GSTM5: variants seen among roughly 807,000 people sequenced by gnomAD.
GSTM5 encodes glutathione S-transferase mu 5.
Under a neutral mutation model 29.0 loss-of-function variants are expected in GSTM5, and 24 were observed. That is an observed-to-expected ratio of 0.83 (90% confidence interval 0.60 to 1.16). The LOEUF (loss-of-function observed/expected upper bound fraction) is 1.16. Among genes scored for constraint, GSTM5 ranks in the 50% most tolerant of loss-of-function variants. The pLI, the probability that GSTM5 is intolerant of heterozygous loss-of-function variation, is 0.00. For synonymous variants in GSTM5, 91 were observed against 93.6 expected (o/e 0.97, Z 0.16); for missense variants, 290 against 263.0 (o/e 1.10, Z -0.71).
At position 109,715,938 on chromosome 1, in the gene GSTM5, C is replaced by G. The variant is rs189863370; in HGVS notation, c.567+698C>G. 101 of 850,372 alleles carry G rather than the reference C, an allele frequency of 1.2e-4. No individual in the cohort carries two copies. In the Admixed American group the frequency reaches 2.0e-3, roughly 16 times the overall value. The allele number at this position is 850,372 out of a possible 1,614,324, so 52.7% of individuals were successfully genotyped here. A position where few individuals can be genotyped will look rare whatever the true frequency, so the allele number is the denominator to read the frequency against. ...CCCTCCAATGTTCCACGTCTTCCCCCTGTGAGATGAGTAGCACACTGATTT... is the reference window on the plus strand; with the variant it reads ...CCCTCCAATGTTCCACGTCTTCCCCGTGTGAGATGAGTAGCACACTGATTT... On this transcript the variant is annotated intron_variant, in intron 7 of 7. Transcript: ENST00000256593.
intron 7 of GSTM5, chr1:109,715,648 G>A (rs1388529699): frequency 1.5e-6 from 1 of 659,674 alleles, no homozygotes; most frequent in Middle Eastern, 4.4e-4. Flanking sequence ...AAGAGGCAGA[G>A]CACTTCAGGA....
rs376313197 is a variant in GSTM5, at chr1:109,715,203, C to T, written c.530C>T (p.Ala177Val). 307 of 1,614,110 alleles carry T rather than the reference C, an allele frequency of 1.9e-4. 1 individual carries two copies. The highest frequency in any genetic ancestry group is 6.9e-4 in the South Asian group (63 of 91,092). ...ATATTTGAGCCCAAGTGCTTGGACG[C>T]CTTCCTAAACTTGAAGGACTTCATC... ...KRIFEPKCLD[A>V]FLNLKDFISR... The change falls in exon 7 of 8, where the codon GCC becomes GTC. Residue 177 changes from alanine (A) to valine (V), a missense_variant. By Grantham distance (64) the Ala-to-Val change is moderately conservative (BLOSUM62 0). Transcript: ENST00000256593.
At chr1:109,713,844 T>TA in intron 5 of GSTM5, 83 bp downstream of exon 5, 1 of 1,042,698 alleles carries the variant, frequency 9.6e-7, no homozygotes, top group Admixed American at 1.9e-5. Context: ...GTCAGGTCTG[T>TA]AGCAGACTCC....
intron 7 of GSTM5, chr1:109,715,592 C>G: frequency 5.2e-6 from 6 of 1,147,576 alleles, no homozygotes; most frequent in Non-Finnish European, 7.1e-6. Context: ...AAAGGAGAAG[C>G]CTCAGGCCTC....
At chr1:109,715,794 G>C (rs114448003) in intron 7 of GSTM5, 1 of 409,910 alleles carries the variant, frequency 2.4e-6, no homozygotes, top group Admixed American at 3.3e-5. Flanking sequence ...CCTGAGATCC[G>C]GAGCTGTGGC....
At chr1:109,714,620 T>C (rs1258797248) in intron 5 of GSTM5, 3 of 370,344 alleles carry the variant, frequency 8.1e-6, no homozygotes, top group Non-Finnish European at 1.5e-5. Context: ...TTTAGTTCTT[T>C]GCATCCTTGA....
intron 5 of GSTM5, 39 bp from the exon 6 acceptor site, chr1:109,714,908 C>A: frequency 6.2e-7 from 1 of 1,609,178 alleles, no homozygotes; most frequent in Non-Finnish European, 8.5e-7. Flanking sequence ...GTGCAGGGAG[C>A]TTTTGTCTGA....
rs749133903 is a variant in GSTM5 at position 109,717,598 on chromosome 1, G to A, written c.*172G>A. 43 of 565,172 alleles carry A rather than the reference G, an allele frequency of 7.6e-5. No homozygotes were observed. The highest frequency in any genetic ancestry group is 1.7e-4 in the African/African-American group (9 of 52,832). The allele number at this position is 565,172 out of a possible 1,614,324, so 35.0% of individuals were successfully genotyped here. A position where few individuals can be genotyped will look rare whatever the true frequency, so the allele number is the denominator to read the frequency against. ...TTCTAACATCATCCCTCCCCGCATC[G>A]AGGCTCTTTAAAGCTTCAGCTCCCC... is the stretch of plus-strand genomic sequence containing the variant. On this transcript the variant is annotated 3_prime_UTR_variant, in exon 8 of 8. Transcript: ENST00000256593.
rs969102684 is a variant in GSTM5 at position 109,717,687 on chromosome 1, T to G, written c.*261T>G. On this transcript the variant is annotated 3_prime_UTR_variant, in exon 8 of 8. Transcript: ENST00000256593. ...TTCCCTGCACTAACGCCAACCTGAC[T>G]GCTTTTCCTGTCAGTGCTTTTCTCT... The G allele has an allele frequency of 4.7e-6, 2 of 422,956 alleles. No individual in the cohort carries two copies. The highest frequency in any genetic ancestry group is 4.0e-5 in the African/African-American group (2 of 49,430). The allele number at this position is 422,956 out of a possible 1,614,324, so 26.2% of individuals were successfully genotyped here.
Position 109,713,180 on chromosome 1 carries a change from C to T in GSTM5, c.174C>T (p.Pro58=). 6.2e-7 allele frequency: 1 copy of T among 1,612,432 alleles called. No homozygotes were observed. The highest frequency in any genetic ancestry group is 1.3e-5 in the African/African-American group (1 of 75,010). ...NEKFKLGLDF[P]NLPYLIDGAH... is the part of the protein sequence containing the mutation. ...AATTCAAGCTGGGCCTGGACTTTCCCAATGTAGGTGCAGGGGAAGGGGCGG... is the reference window on the plus strand; with the variant it reads ...AATTCAAGCTGGGCCTGGACTTTCCTAATGTAGGTGCAGGGGAAGGGGCGG... Residue 58 remains proline, a synonymous_variant, in exon 3 of 8, where the codon CCC becomes CCT. Transcript: ENST00000256593.
chr1:109,712,230 C>T (rs1156811466), upstream of GSTM5: 2 of 1,478,852 alleles, frequency 1.4e-6, no homozygotes, highest in Non-Finnish European at 1.9e-6. Context: ...GCAGCAAGGC[C>T]CCGCCTGTCC....
At chr1:109,714,809 T>C (rs1451376328) in intron 5 of GSTM5, 138 bp from the exon 6 acceptor site, 2 of 788,800 alleles carry the variant, frequency 2.5e-6, no homozygotes, top group Admixed American at 2.0e-5. Context: ...AATTGAAGCC[T>C]GGGCACTGCC....
chr1:109,712,317 C>G lies in GSTM5; in HGVS notation c.5C>G (p.Pro2Arg). Residue 2 changes from proline to arginine, a missense_variant, in exon 1 of 8, where the codon CCC becomes CGC. Coordinates refer to ENST00000256593, the MANE Select transcript of GSTM5 (RefSeq NM_000851.4). MPMTLGYWDIRG... is the reference protein window; with the variant it reads MRMTLGYWDIRG... The stretch of plus-strand genomic sequence containing the variant: ...GAATCCGCACCAACCAGCACCATGC[C>G]CATGACTCTGGGGTACTGGGACATC... 6.2e-7 allele frequency: 1 copy of G among 1,614,162 alleles called. No homozygotes were observed. Among genetic ancestry groups the G allele is most frequent in the South Asian group, 1.1e-5 (1 of 91,080 alleles).
At chr1:109,717,218 G>C in intron 7 of GSTM5, 119 bp from the exon 8 acceptor site, 2 of 716,682 alleles carry the variant, frequency 2.8e-6, no homozygotes, top group Admixed American at 4.4e-5. Flanking sequence ...TGATGCTCCA[G>C]CACTTGAGCC....
intron 5 of GSTM5, chr1:109,713,989 T>C (rs1420625790): frequency 7.6e-6 from 3 of 397,338 alleles, no homozygotes; most frequent in Non-Finnish European, 1.4e-5. Flanking sequence ...CATGATCTGC[T>C]ACCACCCAGA....
At chr1:109,716,116 G>A (rs1050176632) in intron 7 of GSTM5, 15 of 325,582 alleles carry the variant, frequency 4.6e-5, no homozygotes, top group East Asian at 9.6e-5. Flanking sequence ...CCTGGGTACC[G>A]GGCCTGGGGC....
rs1411290742 is a variant in GSTM5 at position 109,717,372 on chromosome 1, C to T, written c.603C>T (p.Ser201=). 1 of 1,613,880 alleles carries T rather than the reference C, an allele frequency of 6.2e-7. No homozygotes were observed. The change falls in exon 8 of 8, where the codon AGC becomes AGT. Residue 201 remains serine (S), a synonymous_variant. Coordinates refer to ENST00000256593, the MANE Select transcript of GSTM5 (RefSeq NM_000851.4). ...AGATCTCTGCCTACATGAAGTCCAG[C>T]CAATTCCTCCGAGGTCTTTTGTTTG... ...LKKISAYMKS[S]QFLRGLLFGK...
Position 109,717,628 on chromosome 1 carries a change from T to C in GSTM5, c.*202T>C. ...TCTTTAAAGCTTCAGCTCCCCACTG[T>C]CCTCCATCAAAGTCCCCCTCCTAAC... On this transcript the variant is annotated 3_prime_UTR_variant, in exon 8 of 8. Coordinates refer to ENST00000256593, the MANE Select transcript of GSTM5 (RefSeq NM_000851.4). The C allele has an allele frequency of 1.9e-6, 1 of 529,372 alleles. No individual in the cohort carries two copies. Among genetic ancestry groups the C allele is most frequent in the Non-Finnish European group, 3.4e-6 (1 of 291,318 alleles). The allele number at this position is 529,372 out of a possible 1,614,324, so 32.8% of individuals were successfully genotyped here. A position where few individuals can be genotyped will look rare whatever the true frequency, so the allele number is the denominator to read the frequency against.
intron 7 of GSTM5, chr1:109,717,038 T>C (rs887331205): frequency 2.0e-5 from 5 of 247,784 alleles, no homozygotes; most frequent in African/African-American, 6.7e-5. Context: ...GAACTGACCA[T>C]GGAGGGTAGT....
Sources: gnomAD v4.1 joint callset for allele counts on GRCh38, gnomAD v4.1.1 for gene constraint, MANE v1.5 for transcripts, NCBI Gene and HGNC (gene_info 2026-07-23, HGNC 2026-07-21) for gene names.